Variants in VAMP7 observed in about 807,000 individuals in gnomAD.
The protein encoded by VAMP7 is vesicle-associated membrane protein 7.
In VAMP7, 14 loss-of-function variants were observed where a neutral mutation model predicts 29.6. That is an observed-to-expected ratio of 0.47 (90% CI 0.31 to 0.74). The LOEUF is 0.74. Ranked by LOEUF, VAMP7 falls within the 30% of genes least tolerant of loss-of-function variation. The probability of loss-of-function intolerance (pLI) is 0.05; values close to 1 mark genes in which losing one functional copy is unlikely to be tolerated. For synonymous variants in VAMP7, 95 were observed against 88.1 expected, an observed-to-expected ratio of 1.08 and a Z score of -0.44; for missense variants, 223 against 262.4, an observed-to-expected ratio of 0.85 and a Z score of 1.04.
At position 155,902,697 on chromosome X, in the gene VAMP7, C is replaced by T. The variant is rs939670305; in HGVS notation, c.433+2110C>T. Reference sequence around the variant, plus strand: ...TATTGATTTGCGTATACTGAACCAGCCTTGCATCCCAGGGATGAAGCCCAC... The same window carrying T: ...TATTGATTTGCGTATACTGAACCAGTCTTGCATCCCAGGGATGAAGCCCAC... On this transcript the variant is annotated intron_variant, in intron 5 of 7. Transcript: ENST00000286448. Among the ~76,000 whole-genome samples, 995 of 152,110 alleles carry T rather than the reference C, an allele frequency of 6.5e-3. 4 individuals are homozygous for T. The highest frequency in any genetic ancestry group is 0.014 in the Middle Eastern group (4 of 294).
chrX:155,919,719 A>T (rs2066367615), intron 5 of VAMP7, 94 bp from the exon 6 acceptor site: 9 of 1,091,898 alleles, frequency 8.2e-6, no homozygotes, highest in Non-Finnish European at 1.2e-5. Flanking sequence ...GCCCCAGGAC[A>T]GTGTATTCAT....
chrX:155,939,349 G>A (rs997114124), intron 6 of VAMP7, among the ~76,000 whole-genome samples: 5 of 152,256 alleles, frequency 3.3e-5, no homozygotes, highest in African/African-American at 7.2e-5. Flanking sequence ...CAGAATAGGC[G>A]AATGTGCTTG....
intron 5 of VAMP7, among the ~76,000 whole-genome samples, chrX:155,906,228 A>AC (rs1252677104): frequency 6.6e-6 from 1 of 152,132 alleles, no homozygotes; most frequent in African/African-American, 2.4e-5. Flanking sequence ...CTAATACCCC[A>AC]CCCTTGATCA....
chrX:155,933,829 G>C (rs2066604259), intron 6 of VAMP7, among the ~76,000 whole-genome samples: 2 of 151,944 alleles, frequency 1.3e-5, no homozygotes, highest in South Asian at 2.1e-4. Flanking sequence ...TTCCTTTTGT[G>C]GGCATTTAGT....
At chrX:155,921,849 C>G (rs1459563701) in intron 6 of VAMP7, among the ~76,000 whole-genome samples, 1 of 152,008 alleles carries the variant, frequency 6.6e-6, no homozygotes, top group Non-Finnish European at 1.5e-5. Flanking sequence ...CTCTTGACCC[C>G]ACAACAATGT....
intron 1 of VAMP7, among the ~76,000 whole-genome samples, chrX:155,881,743 C>G (rs34455089): frequency 0.072 from 10,883 of 152,160 alleles, 513 homozygotes; most frequent in South Asian, 0.13. Flanking sequence ...CTTTCTGTAG[C>G]ATTTAAATCT....
chrX:155,896,065 G>A (rs2065983493), intron 3 of VAMP7, among the ~76,000 whole-genome samples: 1 of 152,164 alleles, frequency 6.6e-6, no homozygotes, highest in South Asian at 2.1e-4. Flanking sequence ...GGTCCCTGGT[G>A]CCAAAAAGGT....
chrX:155,932,042 G>C (rs1413369095), intron 6 of VAMP7, among the ~76,000 whole-genome samples: 5 of 152,000 alleles, frequency 3.3e-5, no homozygotes, highest in African/African-American at 9.7e-5. Flanking sequence ...ACTTCTGAGG[G>C]CTCTGTTCTG....
Position 155,939,774 on chromosome X carries a change from T to C in VAMP7, c.575T>C (p.Ile192Thr), listed in dbSNP as rs2066716581. Residue 192 changes from isoleucine (I) to threonine (T), a missense_variant, in exon 7 of 8, where the codon ATC (isoleucine) becomes ACC (threonine). Coordinates refer to ENST00000286448, the MANE Select transcript of VAMP7 (RefSeq NM_005638.6). Reference protein sequence around the residue: ...MCMKNLKLTIIIIIVSIVFIY... With the variant: ...MCMKNLKLTITIIIVSIVFIY... ...ATGAAGAACCTCAAGCTCACTATTA[T>C]CATCATCATCGTATCAATTGTAAGT... The C allele has an allele frequency of 6.2e-7, 1 of 1,613,138 alleles. No homozygotes were observed. The highest frequency in any genetic ancestry group is 1.7e-4 in the Middle Eastern group (1 of 6,052).
intron 5 of VAMP7, among the ~76,000 whole-genome samples, chrX:155,903,906 G>A (rs982255190): frequency 1.3e-5 from 2 of 152,062 alleles, no homozygotes; most frequent in South Asian, 2.1e-4. Flanking sequence ...ACATGCACAC[G>A]TATGTTTATA....
intron 6 of VAMP7, among the ~76,000 whole-genome samples, chrX:155,936,756 T>C (rs746571974): frequency 6.6e-6 from 1 of 152,314 alleles, no homozygotes; most frequent in South Asian, 2.1e-4. Flanking sequence ...AATGCAGAAA[T>C]CATCCGTCTT....
intron 5 of VAMP7, among the ~76,000 whole-genome samples, chrX:155,918,957 T>G (rs2066354884): frequency 2.0e-5 from 3 of 152,204 alleles, no homozygotes; most frequent in African/African-American, 4.8e-5. Flanking sequence ...ATTATCTTTT[T>G]GATGTGATGT....
chrX:155,882,338 G>A (rs1431853064), intron 1 of VAMP7, among the ~76,000 whole-genome samples: 1 of 152,162 alleles, frequency 6.6e-6, no homozygotes, highest in Non-Finnish European at 1.5e-5. Context: ...GGGAAAACAG[G>A]AATAATCAGG....
At chrX:155,882,707 C>T (rs1392247976) in intron 1 of VAMP7, among the ~76,000 whole-genome samples, 1 of 152,186 alleles carries the variant, frequency 6.6e-6, no homozygotes, top group Non-Finnish European at 1.5e-5. Context: ...AAATATTATT[C>T]TTACCAGGTC....
chrX:155,882,811 A>G (rs958584789), intron 1 of VAMP7, among the ~76,000 whole-genome samples: 8 of 152,184 alleles, frequency 5.3e-5, no homozygotes, highest in Non-Finnish European at 8.8e-5. Flanking sequence ...ATTTGAGGGA[A>G]TATTAGATGG....
chrX:155,907,529 C>T (rs1028884576), intron 5 of VAMP7, among the ~76,000 whole-genome samples: 5 of 151,254 alleles, frequency 3.3e-5, no homozygotes, highest in African/African-American at 4.9e-5. Context: ...TCTTGCACCG[C>T]CCTTAATCCA....
intron 6 of VAMP7, among the ~76,000 whole-genome samples, chrX:155,930,491 A>AC (rs1177100518): frequency 4.9e-4 from 9 of 18,366 alleles, no homozygotes; most frequent in South Asian, 2.7e-3. Flanking sequence ...AAACCAAACA[A>AC]AAAAAAAAAA....
intron 4 of VAMP7, among the ~76,000 whole-genome samples, chrX:155,898,763 G>A (rs2066020607): frequency 6.6e-6 from 1 of 151,774 alleles, no homozygotes; most frequent in Non-Finnish European, 1.5e-5. Flanking sequence ...CTTACCAGTT[G>A]GTCCCCTCCC....
chrX:155,898,082 A>T (rs1254699392), intron 3 of VAMP7, 30 bp from the exon 4 acceptor site: 5 of 1,603,054 alleles, frequency 3.1e-6, no homozygotes, highest in East Asian at 4.5e-5. Context: ...TTACTTTCTA[A>T]ATGTGAGTTC....
Sources: gnomAD v4.1 joint callset for allele counts (sites outside exome capture counted in the v4.1 genomes callset) on GRCh38, gnomAD v4.1.1 for gene constraint, MANE v1.5 for transcripts, NCBI Gene and HGNC (gene_info 2026-07-23, HGNC 2026-07-21) for gene names.